Variants in LCP2 observed in about 807,000 individuals in gnomAD.
LCP2 encodes 76 kDa tyrosine phosphoprotein.
Under a neutral mutation model 74.5 loss-of-function variants are expected in LCP2, and 29 were observed. The ratio of observed to expected loss-of-function variants is 0.39; its 90% CI spans 0.29 to 0.53. The LOEUF is 0.53. Ranked by LOEUF, LCP2 falls within the 20% of genes least tolerant of loss-of-function variation. The pLI, the probability that LCP2 is intolerant of heterozygous loss-of-function variation, is 0.72. For synonymous variants in LCP2, 228 were observed against 229.5 expected, an observed-to-expected ratio of 0.99 and a Z score of 0.06; for missense variants, 604 against 634.6, an observed-to-expected ratio of 0.95 and a Z score of 0.52.
intron 15 of LCP2, chr5:170,258,495 T>C: frequency 2.9e-6 from 1 of 344,988 alleles, no homozygotes; most frequent in Non-Finnish European, 5.3e-6. Context: ...GATTTACAAG[T>C]TTTGTTTTAT....
chr5:170,277,985 G>A (rs557511334), intron 3 of LCP2, among the ~76,000 whole-genome samples: 40 of 151,836 alleles, frequency 2.6e-4, no homozygotes, highest in African/African-American at 7.5e-4. Flanking sequence ...TGACCATGCC[G>A]TCAGAATGCT....
intron 2 of LCP2, among the ~76,000 whole-genome samples, chr5:170,290,744 C>T (rs779221634): frequency 5.5e-4 from 83 of 152,256 alleles, no homozygotes; most frequent in Non-Finnish European, 9.4e-4. Flanking sequence ...ACAGACTGAC[C>T]TTTATTTGGT....
chr5:170,292,846 T>C (rs1036822776), intron 2 of LCP2, among the ~76,000 whole-genome samples: 6 of 152,316 alleles, frequency 3.9e-5, no homozygotes, highest in Non-Finnish European at 7.3e-5. Context: ...TATAATACAG[T>C]GGAGACAGCC....
Position 170,270,921 on chromosome 5 carries a change from C to T in LCP2, c.325-4G>A, listed in dbSNP as rs377539382. The T allele has an allele frequency of 7.5e-6, 12 of 1,610,554 alleles. No individual in the cohort carries two copies. The highest frequency in any genetic ancestry group is 2.2e-5 in the East Asian group (1 of 44,722). On this transcript the variant is annotated splice_region_variant and splice_polypyrimidine_tract_variant and intron_variant, in intron 6 of 20. Transcript: ENST00000046794. ...GACTTTCATAATCGTCTTCTTCCTG[C>T]CCACACAGTGATAGGGACAGTGCAG... is the stretch of plus-strand genomic sequence containing the variant.
In LCP2 at chr5:170,247,029, A is replaced by G. The variant is rs1052569806; in HGVS notation, c.*1668T>C. On this transcript the variant is annotated 3_prime_UTR_variant, in exon 21 of 21. Coordinates refer to ENST00000046794, the MANE Select transcript of LCP2 (RefSeq NM_005565.5). ...CTACCAAATAGTTGCTTTGAAATCT[A>G]TCAGGTCCTTCATTTTAGATATTTT... The G allele has an allele frequency of 6.6e-6, 1 of 152,230 alleles. No individual in the cohort carries two copies. The highest frequency in any genetic ancestry group is 2.4e-5 in the African/African-American group (1 of 41,458). 9.4% of individuals were successfully genotyped at this position (152,230 alleles called of 1,614,324 possible).
intron 3 of LCP2, among the ~76,000 whole-genome samples, chr5:170,281,677 G>T (rs1762108745): frequency 6.6e-6 from 1 of 152,182 alleles, no homozygotes; most frequent in Non-Finnish European, 1.5e-5. Flanking sequence ...CAAAGGAGAT[G>T]CCTCAGTACG....
chr5:170,293,533 G>A (rs1258041874), intron 1 of LCP2, among the ~76,000 whole-genome samples, 161 bp from the exon 2 acceptor site: 8 of 152,196 alleles, frequency 5.3e-5, no homozygotes, highest in African/African-American at 1.4e-4. Flanking sequence ...CCCCACCTCA[G>A]CCTCGCTTTC....
chr5:170,261,036 T>C (rs760034287), intron 14 of LCP2, 71 bp downstream of exon 14: 45 of 1,190,524 alleles, frequency 3.8e-5, no homozygotes, highest in Admixed American at 3.4e-4. Flanking sequence ...GTGGATGGAG[T>C]CCCAACCTCC....
At chr5:170,249,380 A>ATATC (rs57880741) in intron 20 of LCP2, among the ~76,000 whole-genome samples, 54,425 of 147,864 alleles carry the variant, frequency 0.37, 10,787 homozygotes, top group South Asian at 0.46. Flanking sequence ...ATATATATAT[A>ATATC]TCTACATATC....
intron 3 of LCP2, among the ~76,000 whole-genome samples, chr5:170,286,038 G>C (rs548724231): frequency 3.3e-5 from 5 of 152,192 alleles, no homozygotes; most frequent in Non-Finnish European, 7.3e-5. Context: ...TCAATGTCTT[G>C]AAAATTGCTC....
At chr5:170,263,789 T>C (rs1761702476) in intron 10 of LCP2, among the ~76,000 whole-genome samples, 1 of 152,190 alleles carries the variant, frequency 6.6e-6, no homozygotes, top group South Asian at 2.1e-4. Flanking sequence ...GAACAAGTTA[T>C]TTAAGGTTTT....
At chr5:170,264,674 C>T (rs1016545055) in intron 10 of LCP2, among the ~76,000 whole-genome samples, 1 of 152,140 alleles carries the variant, frequency 6.6e-6, no homozygotes, top group Non-Finnish European at 1.5e-5. Flanking sequence ...GGACATGCAC[C>T]TGTAACCTCA....
intron 19 of LCP2, 181 bp from the exon 20 acceptor site, chr5:170,251,066 G>A: frequency 1.8e-6 from 1 of 549,964 alleles, no homozygotes; most frequent in Non-Finnish European, 3.2e-6. Context: ...CATATCCCAT[G>A]TGTCATGAGT....
intron 16 of LCP2, among the ~76,000 whole-genome samples, chr5:170,257,125 G>A (rs951828307): frequency 1.3e-5 from 2 of 152,184 alleles, no homozygotes; most frequent in Non-Finnish European, 2.9e-5. Flanking sequence ...TCCACACTGA[G>A]CAGCAACTCC....
chr5:170,255,091 G>T (rs371933274), intron 17 of LCP2, among the ~76,000 whole-genome samples: 3 of 152,236 alleles, frequency 2.0e-5, no homozygotes, highest in Non-Finnish European at 2.9e-5. Context: ...CTGGGACTCA[G>T]ATGGCTACAG....
At chr5:170,278,508 G>A (rs1762048513) in intron 3 of LCP2, among the ~76,000 whole-genome samples, 1 of 116,222 alleles carries the variant, frequency 8.6e-6, no homozygotes. Flanking sequence ...AGGGGTGGGG[G>A]GCTGGGGGGG....
At chr5:170,266,409 G>C (rs1761757367) in intron 10 of LCP2, among the ~76,000 whole-genome samples, 1 of 152,184 alleles carries the variant, frequency 6.6e-6, no homozygotes, top group Non-Finnish European at 1.5e-5. Flanking sequence ...TAGCAGGCAA[G>C]GCAGCAGACA....
At chr5:170,274,120 G>T (rs539012522) in intron 6 of LCP2, 181 bp downstream of exon 6, 22 of 621,400 alleles carry the variant, frequency 3.5e-5, no homozygotes, top group African/African-American at 3.5e-4. Context: ...GAGAGTGCAT[G>T]GCTCCCAAAG....
chr5:170,249,362 GTA>G (rs72371153), intron 20 of LCP2, among the ~76,000 whole-genome samples: 145 of 107,982 alleles, frequency 1.3e-3, no homozygotes, highest in African/African-American at 3.1e-3. Flanking sequence ...GCATGCGTGT[GTA>G]TATATATATA....
Sources: allele counts gnomAD v4.1 joint callset (sites outside exome capture counted in the v4.1 genomes callset), GRCh38; gene constraint gnomAD v4.1.1; transcripts MANE v1.5; gene names NCBI Gene and HGNC (gene_info 2026-07-23, HGNC 2026-07-21).